Variants in TAOK3 observed in about 807,000 individuals in gnomAD.
TAOK3 encodes TAO kinase 3, also known as serine/threonine-protein kinase TAO3.
TAOK3 carries 40 observed loss-of-function variants against 120.4 expected under a neutral mutation model. The ratio of observed to expected loss-of-function variants is 0.33; its 90% CI spans 0.26 to 0.43. TAOK3 has a LOEUF of 0.43. Among genes scored for constraint, TAOK3 ranks in the 20% least tolerant of loss-of-function variants. TAOK3 has a pLI of 1.00. For missense variants in TAOK3, 821 were observed against 1,112.1 expected, an observed-to-expected ratio of 0.74 and a Z score of 3.72; for synonymous variants, 355 against 387.5, an observed-to-expected ratio of 0.92 and a Z score of 0.99.
chr12:118,243,370 GA>G, intron 5 of TAOK3, 44 bp downstream of exon 5: 3 of 1,072,746 alleles, frequency 2.8e-6, no homozygotes, highest in South Asian at 1.4e-5. Flanking sequence ...AAAAGAAAAA[GA>G]AAAAAATGTA....
At chr12:118,286,071 T>C (rs763861870) in intron 1 of TAOK3, among the ~76,000 whole-genome samples, 2 of 152,172 alleles carry the variant, frequency 1.3e-5, no homozygotes, top group Non-Finnish European at 1.5e-5. Context: ...CTGAATAGAA[T>C]GGGAGGCAGA....
intron 1 of TAOK3, among the ~76,000 whole-genome samples, chr12:118,329,003 T>C (rs750629183): frequency 1.2e-4 from 18 of 152,148 alleles, no homozygotes; most frequent in South Asian, 2.1e-4. Context: ...TTGCATCTAG[T>C]GAGAAAGCAA....
chr12:118,198,908 T>C (rs2037879661), intron 13 of TAOK3, 143 bp downstream of exon 13: 3 of 790,562 alleles, frequency 3.8e-6, no homozygotes, highest in African/African-American at 3.4e-5. Flanking sequence ...ACTTTTTGAC[T>C]GTAAGAAAAC....
At chr12:118,233,547 A>G in intron 9 of TAOK3, 127 bp downstream of exon 9, 1 of 722,266 alleles carries the variant, frequency 1.4e-6, no homozygotes, top group Admixed American at 2.5e-5. Flanking sequence ...CACATATACC[A>G]GTAACTCATT....
At chr12:118,249,651 T>C (rs985657950) in intron 3 of TAOK3, among the ~76,000 whole-genome samples, 2 of 150,862 alleles carry the variant, frequency 1.3e-5, no homozygotes, top group African/African-American at 4.9e-5. Context: ...AGCAAAACCC[T>C]GTATCTACAA....
At chr12:118,272,920 G>T (rs953565387) in intron 1 of TAOK3, among the ~76,000 whole-genome samples, 4 of 151,982 alleles carry the variant, frequency 2.6e-5, no homozygotes, top group Admixed American at 2.6e-4. Context: ...AGGCTATAGT[G>T]AGCCGAGATT....
intron 1 of TAOK3, among the ~76,000 whole-genome samples, chr12:118,343,818 C>T (rs1214055221): frequency 6.6e-6 from 1 of 151,958 alleles, no homozygotes; most frequent in Non-Finnish European, 1.5e-5. Context: ...CGAGACCATC[C>T]TGGCTAACAT....
intron 1 of TAOK3, among the ~76,000 whole-genome samples, chr12:118,365,504 C>T (rs892567704): frequency 2.0e-5 from 3 of 152,204 alleles, no homozygotes; most frequent in African/African-American, 7.2e-5. Flanking sequence ...CCTCCTCCCT[C>T]ATTAGCCTCC....
chr12:118,256,504 C>A (rs1412283800), intron 2 of TAOK3, among the ~76,000 whole-genome samples: 3 of 151,910 alleles, frequency 2.0e-5, no homozygotes, highest in Non-Finnish European at 4.4e-5. Context: ...GATGGAAAAA[C>A]CCAAATATCC....
At chr12:118,268,221 G>C (rs1346687593) in intron 1 of TAOK3, among the ~76,000 whole-genome samples, 1 of 152,124 alleles carries the variant, frequency 6.6e-6, no homozygotes, top group Non-Finnish European at 1.5e-5. Context: ...GAAAATTATT[G>C]TGTCTGGAAG....
intron 3 of TAOK3, among the ~76,000 whole-genome samples, chr12:118,249,244 A>G (rs1351215830): frequency 6.6e-6 from 1 of 152,200 alleles, no homozygotes; most frequent in African/African-American, 2.4e-5. Flanking sequence ...GCTATTTTAT[A>G]GACAAATATA....
In TAOK3 at chr12:118,262,549, G is replaced by A. The variant is rs146574646; in HGVS notation, c.-89+4106C>T. On this transcript the variant is annotated intron_variant, in intron 2 of 20. Coordinates refer to ENST00000392533, the MANE Select transcript of TAOK3 (RefSeq NM_016281.4). Reference sequence around the variant, plus strand: ...AGCATAAAAAATGTGAAATATGGCCGGGTGCGGTGGCTCACGCCTATAATC... The same window carrying A: ...AGCATAAAAAATGTGAAATATGGCCAGGTGCGGTGGCTCACGCCTATAATC... 1.9e-3 allele frequency among the ~76,000 whole-genome samples: 292 copies of A among 151,944 alleles called. 1 individual carries two copies. Among genetic ancestry groups the A allele is most frequent in the African/African-American group, 6.8e-3 (282 of 41,468 alleles).
rs560948915 is a variant in TAOK3, at chr12:118,214,109, C to G, written c.645G>C (p.Ala215=). The change falls in exon 10 of 21, where the codon GCG becomes GCC. Residue 215 remains alanine (A), a splice_region_variant and synonymous_variant. Transcript: ENST00000392533. ...WSLGITCIEL[A]ERKPPLFNMN... The stretch of plus-strand genomic sequence containing the variant: ...TGTTGAAAAGGGGCGGCTTCCGTTC[C>G]GCTGGAAGAGGAAAGAAACACAATA... 1 of 1,606,802 alleles carries G rather than the reference C, an allele frequency of 6.2e-7. No homozygotes were observed. Among genetic ancestry groups the G allele is most frequent in the East Asian group, 2.2e-5 (1 of 44,614 alleles).
rs2138387901 is a variant in TAOK3, at chr12:118,161,135, A to T, written c.2139+653T>A. Among the ~76,000 whole-genome samples the T allele has an allele frequency of 6.6e-6, 1 of 152,334 alleles. No individual in the cohort carries two copies. The highest frequency in any genetic ancestry group is 1.9e-4 in the East Asian group (1 of 5,186). ...CTTAGCTTAGAATTTGACTGAAGAG[A>T]CGCATAGCCAGTGTGATCCAGGTTG... On this transcript the variant is annotated intron_variant, in intron 18 of 20. Transcript: ENST00000392533. This position sits in a 1 kb window ranked among gnomAD's most constrained non-coding sequence, Gnocchi z 4.5.
rs1381352722 is a variant in TAOK3 at position 118,372,486 on chromosome 12, T to TCTGAGGCCACA, written c.-194+161_-194+162insTGTGGCCTCAG. On this transcript the variant is annotated intron_variant, in intron 1 of 20. Coordinates refer to ENST00000392533, the MANE Select transcript of TAOK3 (RefSeq NM_016281.4). The surrounding 1 kb of genome is among the most constrained non-coding windows in gnomAD (Gnocchi z 4.6). ...TCTCCACTCAGAGCCACTGCCTCGG[T>TCTGAGGCCACA]CCCTCTCGGAGTCCCCTCTCCTCAC... Among the ~76,000 whole-genome samples, 1 of 147,394 alleles carries TCTGAGGCCACA rather than the reference T, an allele frequency of 6.8e-6. No individual in the cohort carries two copies. The highest frequency in any genetic ancestry group is 2.5e-5 in the African/African-American group (1 of 39,630).
chr12:118,238,657 AG>A (rs2040118894), intron 6 of TAOK3, among the ~76,000 whole-genome samples: 2 of 149,636 alleles, frequency 1.3e-5, no homozygotes, highest in Non-Finnish European at 3.0e-5. Context: ...TTTTTGAGAC[AG>A]GGGTCTCACT....
chr12:118,152,709 C>T (rs952772667), intron 19 of TAOK3: 5 of 301,088 alleles, frequency 1.7e-5, no homozygotes, highest in Non-Finnish European at 3.1e-5. Flanking sequence ...TACAGCTACA[C>T]CATCCACTTT....
intron 1 of TAOK3, among the ~76,000 whole-genome samples, chr12:118,308,110 T>C (rs2043117936): frequency 6.6e-6 from 1 of 152,048 alleles, no homozygotes; most frequent in Non-Finnish European, 1.5e-5. Context: ...ATAAAACAGG[T>C]TGCAGTAAAG....
intron 1 of TAOK3, among the ~76,000 whole-genome samples, chr12:118,340,244 C>G (rs555206644): frequency 6.0e-4 from 92 of 152,250 alleles, no homozygotes; most frequent in African/African-American, 2.2e-3. Flanking sequence ...GTAACAATAA[C>G]TTGCCTGTGG....
Sources: allele counts gnomAD v4.1 joint callset (sites outside exome capture counted in the v4.1 genomes callset), GRCh38; gene constraint gnomAD v4.1.1; non-coding constraint Gnocchi (gnomAD v3.1); transcripts MANE v1.5; gene names NCBI Gene and HGNC (gene_info 2026-07-23, HGNC 2026-07-21).